The following CUX1 variants were observed in gnomAD, a reference collection of about 807,000 sequenced individuals.
The protein encoded by CUX1 is protein CASP.
Under a neutral mutation model 158.8 loss-of-function variants are expected in CUX1, and 31 were observed. That is an observed-to-expected ratio of 0.20 (90% confidence interval 0.15 to 0.26). CUX1 has a LOEUF of 0.26. Ranked by LOEUF, CUX1 falls within the 10% of genes least tolerant of loss-of-function variation. The pLI, the probability that CUX1 is intolerant of heterozygous loss-of-function variation, is 1.00. For synonymous variants in CUX1, 879 were observed against 862.1 expected, an observed-to-expected ratio of 1.02 and a Z score of -0.34; for missense variants, 1,589 against 2,014.6, an observed-to-expected ratio of 0.79 and a Z score of 4.04.
chr7:102,060,573 AT>A, intron 3 of CUX1, among the ~76,000 whole-genome samples: 3 of 132,806 alleles, frequency 2.3e-5, no homozygotes, highest in Non-Finnish European at 3.2e-5. Context: ...ACACACACAC[AT>A]ATATACATAT....
intron 2 of CUX1, among the ~76,000 whole-genome samples, chr7:101,946,165 A>G (rs1808338863): frequency 6.6e-6 from 1 of 152,170 alleles, no homozygotes; most frequent in Admixed American, 6.5e-5. Context: ...TTGGAGCGAC[A>G]GGTGGGTCAG....
At chr7:102,281,008 T>TC in intron 20 of CUX1, 1 of 692,064 alleles carries the variant, frequency 1.4e-6, no homozygotes, top group Non-Finnish European at 2.5e-6. Flanking sequence ...TCTCTCCCCT[T>TC]CCCGGGCAGA....
rs1801606363 is a variant in CUX1, at chr7:102,252,338, T to A, written c.*3296T>A. On this transcript the variant is annotated 3_prime_UTR_variant, in exon 24 of 24. Transcript: ENST00000292535. ...TTGAACAGTGTCCCCTCGGCATGGC[T>A]CCCCTTCAGCAGGCTGGCATTCCAA... 1 of 985,300 alleles carries A rather than the reference T, an allele frequency of 1.0e-6. No individual in the cohort carries two copies. Among genetic ancestry groups the A allele is most frequent in the Non-Finnish European group, 1.2e-6 (1 of 829,982 alleles). The allele number at this position is 985,300 out of a possible 1,614,324, so 61.0% of individuals were successfully genotyped here. A position where few individuals can be genotyped will look rare whatever the true frequency, so the allele number is the denominator to read the frequency against.
At chr7:102,081,007 G>A (rs541476134) in intron 4 of CUX1, among the ~76,000 whole-genome samples, 2 of 152,190 alleles carry the variant, frequency 1.3e-5, no homozygotes, top group South Asian at 2.1e-4. Flanking sequence ...ATACATGACC[G>A]ATACCTTCTG....
chr7:102,027,372 CA>C (rs1001377757), intron 2 of CUX1, among the ~76,000 whole-genome samples: 1 of 150,046 alleles, frequency 6.7e-6, no homozygotes, highest in Non-Finnish European at 1.5e-5. Context: ...GACTCCATCT[CA>C]AAAAAAAAGA....
chr7:101,867,860 G>T (rs747103898), intron 1 of CUX1, among the ~76,000 whole-genome samples: 24 of 151,900 alleles, frequency 1.6e-4, no homozygotes, highest in Non-Finnish European at 2.8e-4. Flanking sequence ...TGTTGCCCAG[G>T]CTGGAGTGCA....
At chr7:101,911,659 C>T (rs1379433869) in intron 1 of CUX1, among the ~76,000 whole-genome samples, 1 of 152,254 alleles carries the variant, frequency 6.6e-6, no homozygotes, top group Admixed American at 6.5e-5. Context: ...TGAGCCTTGG[C>T]CTTGACCTCT....
Position 101,990,127 on chromosome 7 carries a change from G to A in CUX1, c.142-37971G>A, listed in dbSNP as rs189278503. Among the ~76,000 whole-genome samples, 257 of 152,268 alleles carry A rather than the reference G, an allele frequency of 1.7e-3. 2 individuals carry two copies. The highest frequency in any genetic ancestry group is 3.1e-3 in the Admixed American group (47 of 15,292). On this transcript the variant is annotated intron_variant, in intron 2 of 23. Transcript: ENST00000292535. ...TAATTCCAGCTACTTGAGAGGCAGA[G>A]GCAAGATGATCTCTTGAACCCGGGA...
At chr7:101,829,737 C>T (rs1793769483) in intron 1 of CUX1, among the ~76,000 whole-genome samples, 1 of 152,154 alleles carries the variant, frequency 6.6e-6, no homozygotes, top group African/African-American at 2.4e-5. Flanking sequence ...TGGCTGGAGC[C>T]TTGCCCTGGC....
In CUX1 at chr7:101,853,324, AT is replaced by A. The variant is rs542796618; in HGVS notation, c.30+35656del. Among the ~76,000 whole-genome samples the A allele has an allele frequency of 3.1e-3, 477 of 152,328 alleles. 1 individual carries two copies. The highest frequency in any genetic ancestry group is 0.011 in the African/African-American group (454 of 41,580). ...TCTATAAAAATGGTATTATTCTGCA[AT>A]AGACTTGCAGGATTTGCCTTTTGAA... On this transcript the variant is annotated intron_variant, in intron 1 of 23. Coordinates refer to ENST00000292535, the MANE Select transcript of CUX1 (RefSeq NM_181552.4).
chr7:101,926,746 C>T (rs1805637502), intron 2 of CUX1, among the ~76,000 whole-genome samples: 2 of 152,280 alleles, frequency 1.3e-5, no homozygotes, highest in African/African-American at 4.8e-5. Flanking sequence ...TGTTCTAAGA[C>T]TTGGTCCCCT....
intron 16 of CUX1, among the ~76,000 whole-genome samples, chr7:102,199,762 T>C (rs1198320251): frequency 6.6e-6 from 1 of 152,212 alleles, no homozygotes; most frequent in Non-Finnish European, 1.5e-5. Context: ...TGAGAAACAT[T>C]GCCTTTTAAT....
intron 2 of CUX1, among the ~76,000 whole-genome samples, chr7:102,014,866 AAAAAAAAAG>A (rs1818411046): frequency 6.6e-6 from 1 of 151,660 alleles, no homozygotes; most frequent in Admixed American, 6.6e-5. Flanking sequence ...ACCAAAAAAA[AAAAAAAAAG>A]AAAAAAAGCA....
chr7:101,970,410 A>G (rs1202972108), intron 2 of CUX1, among the ~76,000 whole-genome samples: 2 of 152,096 alleles, frequency 1.3e-5, no homozygotes, highest in Non-Finnish European at 2.9e-5. Flanking sequence ...CTAAAGGACA[A>G]ACTGTCTGAT....
At chr7:101,904,043 A>G (rs1371373301) in intron 1 of CUX1, among the ~76,000 whole-genome samples, 10 of 151,938 alleles carry the variant, frequency 6.6e-5, no homozygotes, top group Admixed American at 3.3e-4. Flanking sequence ...CTGTAATGGC[A>G]GTACTTTGGG....
rs967571227 is a variant in CUX1, at chr7:102,024,179, G to A, written c.142-3919G>A. On this transcript the variant is annotated intron_variant, in intron 2 of 23. Coordinates refer to ENST00000292535, the MANE Select transcript of CUX1 (RefSeq NM_181552.4). The stretch of plus-strand genomic sequence containing the variant: ...ATTCAGGGCCTGGCCTTGCCCCTGC[G>A]CCCCAGCCCCCTGCTCTCCTCCATC... Among the ~76,000 whole-genome samples the A allele has an allele frequency of 7.9e-5, 12 of 152,300 alleles. No individual in the cohort carries two copies. The East Asian group carries it at 9.7e-4, about 12-fold the overall frequency.
intron 8 of CUX1, among the ~76,000 whole-genome samples, chr7:102,155,020 C>T (rs901963128): frequency 6.6e-6 from 1 of 152,168 alleles, no homozygotes; most frequent in Non-Finnish European, 1.5e-5. Context: ...TACGCAGCAG[C>T]TATGTATTTT....
At chr7:102,108,937 T>C (rs1830636199) in intron 6 of CUX1, among the ~76,000 whole-genome samples, 1 of 152,082 alleles carries the variant, frequency 6.6e-6, no homozygotes. Flanking sequence ...ATATTTTTAG[T>C]AGAACAGGAT....
intron 2 of CUX1, among the ~76,000 whole-genome samples, chr7:101,944,150 C>G (rs568317931): frequency 4.2e-4 from 64 of 152,212 alleles, no homozygotes; most frequent in Admixed American, 1.2e-3. Context: ...TGTCCCCACC[C>G]AGGGAGACTG....
Sources: gnomAD v4.1 joint callset for allele counts (sites outside exome capture counted in the v4.1 genomes callset) on GRCh38, gnomAD v4.1.1 for gene constraint, MANE v1.5 for transcripts, NCBI Gene and HGNC (gene_info 2026-07-23, HGNC 2026-07-21) for gene names.